The following PLBD1 variants were observed in gnomAD, a reference collection of about 807,000 sequenced individuals.
PLBD1 encodes the protein phospholipase B domain containing 1, also known as lysosomal leucine aminopeptidase.
A neutral mutation model predicts 63.0 loss-of-function variants in PLBD1; 60 were observed. The ratio of observed to expected loss-of-function variants is 0.95; its 90% CI spans 0.77 to 1.18. The LOEUF is 1.18. Ranked by LOEUF, PLBD1 falls within the 50% of genes most tolerant of loss-of-function variation. The pLI is 0.00. For missense variants in PLBD1, 598 were observed against 677.9 expected (o/e 0.88, Z 1.31); for synonymous variants, 262 against 248.0 (o/e 1.06, Z -0.53).
intron 1 of PLBD1, among the ~76,000 whole-genome samples, chr12:14,563,787 G>C (rs1003716572): frequency 6.6e-6 from 1 of 152,134 alleles, no homozygotes; most frequent in Non-Finnish European, 1.5e-5. Flanking sequence ...TTGGAGTCAG[G>C]CTTCAAACAC....
In PLBD1 at chr12:14,527,122, G is replaced by A. The variant is rs151210236; in HGVS notation, c.844+8537C>T. On this transcript the variant is annotated intron_variant, in intron 6 of 10. Transcript: ENST00000240617. ...ATGATTCTTGGTATGAACTACTACCGTATAAATTTTAAGATATACTTAGAA... is the reference window on the plus strand; with the variant it reads ...ATGATTCTTGGTATGAACTACTACCATATAAATTTTAAGATATACTTAGAA... Among the ~76,000 whole-genome samples the A allele has an allele frequency of 6.8e-3, 1,029 of 152,224 alleles. 8 individuals are homozygous for A. The highest frequency in any genetic ancestry group is 0.022 in the African/African-American group (903 of 41,542).
chr12:14,566,810 A>C (rs1459720314), intron 1 of PLBD1, among the ~76,000 whole-genome samples: 2 of 151,698 alleles, frequency 1.3e-5, no homozygotes, highest in East Asian at 1.9e-4. Context: ...AAAAAAAAAA[A>C]AACTGCCGGG....
intron 6 of PLBD1, 61 bp from the exon 7 acceptor site, chr12:14,511,772 A>T (rs982188092): frequency 6.8e-7 from 1 of 1,480,078 alleles, no homozygotes; most frequent in African/African-American, 1.4e-5. Flanking sequence ...AACCATCATT[A>T]TTGACAAAGA....
Position 14,567,752 on chromosome 12 carries a change from T to C in PLBD1, c.-56A>G. The C allele has an allele frequency of 7.2e-7, 1 of 1,382,018 alleles. No individual in the cohort carries two copies. Among genetic ancestry groups the C allele is most frequent in the Non-Finnish European group, 9.3e-7 (1 of 1,079,576 alleles). The allele number at this position is 1,382,018 out of a possible 1,614,324, so 85.6% of individuals were successfully genotyped here. A position where few individuals can be genotyped will look rare whatever the true frequency, so the allele number is the denominator to read the frequency against. ...ATCAGGCGGCCGCGGTGGCCCGCGG[T>C]GGCAGAAGTTGCAAGAGAGGCTCCT... On this transcript the variant is annotated 5_prime_UTR_variant, in exon 1 of 11. Transcript: ENST00000240617.
Position 14,503,885 on chromosome 12 carries a change from G to T in PLBD1, c.1549C>A (p.Leu517Ile). 1.2e-6 allele frequency: 2 copies of T among 1,613,946 alleles called. No individual in the cohort carries two copies. The highest frequency in any genetic ancestry group is 1.7e-6 in the Non-Finnish European group (2 of 1,179,876). Residue 517 changes from leucine to isoleucine, a missense_variant, in exon 11 of 11, where the codon CTC (leucine) becomes ATC (isoleucine). Leu to Ile is a conservative substitution (Grantham distance 5). Transcript: ENST00000240617. Reference sequence around the variant, plus strand: ...AAACGGTCCCAGCGAAAAACAGGGAGGCCACCTTGTACTGTGGGACCACTT... The same window carrying T: ...AAACGGTCCCAGCGAAAAACAGGGATGCCACCTTGTACTGTGGGACCACTT... ...AISGPTVQGG[L>I]PVFRWDRFNK...
At position 14,533,609 on chromosome 12, in the gene PLBD1, T is replaced by C. The variant is rs1439069197; in HGVS notation, c.844+2050A>G. Among the ~76,000 whole-genome samples the C allele has an allele frequency of 4.6e-5, 7 of 152,208 alleles. No individual in the cohort carries two copies. The East Asian group carries it at 1.2e-3, about 25-fold the overall frequency. ...GTGCACATAACATCTGAATATTGCA[T>C]TTTATCACAAAGATGAGGAAGAGGA... On this transcript the variant is annotated intron_variant, in intron 6 of 10. Transcript: ENST00000240617.
In PLBD1 at chr12:14,524,933, A is replaced by G. The variant is rs556397959; in HGVS notation, c.844+10726T>C. On this transcript the variant is annotated intron_variant, in intron 6 of 10. Coordinates refer to ENST00000240617, the MANE Select transcript of PLBD1 (RefSeq NM_024829.6). ...TGAAAAACTCACTGTATACTTCAAC[A>G]GTAAATTTGAGATGGCAGAAGAAGG... Among the ~76,000 whole-genome samples the G allele has an allele frequency of 5.3e-5, 8 of 152,272 alleles. No individual in the cohort carries two copies. The South Asian group carries it at 6.2e-4, about 12-fold the overall frequency.
Position 14,535,835 on chromosome 12 carries a change from T to C in PLBD1, c.700-32A>G, listed in dbSNP as rs754908564. 3.1e-6 allele frequency: 5 copies of C among 1,598,538 alleles called. No homozygotes were observed. In the Admixed American group the frequency reaches 8.8e-5, roughly 28 times the overall value. ...CCAGAATCATAGTGGATTACACAGATGTACATAGCTAACTGACTGCAATTG... is the reference window on the plus strand; with the variant it reads ...CCAGAATCATAGTGGATTACACAGACGTACATAGCTAACTGACTGCAATTG... On this transcript the variant is annotated intron_variant, in intron 5 of 10. Coordinates refer to ENST00000240617, the MANE Select transcript of PLBD1 (RefSeq NM_024829.6).
At chr12:14,560,379 A>T (rs1945736175) in intron 1 of PLBD1, among the ~76,000 whole-genome samples, 1 of 152,230 alleles carries the variant, frequency 6.6e-6, no homozygotes, top group African/African-American at 2.4e-5. Context: ...TCAGAGGGGA[A>T]AAAAAGAGAA....
intron 6 of PLBD1, among the ~76,000 whole-genome samples, chr12:14,513,684 C>T (rs1396612842): frequency 6.6e-6 from 1 of 152,044 alleles, no homozygotes; most frequent in Non-Finnish European, 1.5e-5. Context: ...GGACTAATGT[C>T]ATTCAGCTAT....
At chr12:14,509,711 G>A (rs1195761274) in intron 8 of PLBD1, among the ~76,000 whole-genome samples, 14 of 152,180 alleles carry the variant, frequency 9.2e-5, no homozygotes, top group Middle Eastern at 3.4e-3. Flanking sequence ...CTTTATCTCC[G>A]TTCTGTCCCT....
chr12:14,532,691 A>G (rs1479629829), intron 6 of PLBD1, among the ~76,000 whole-genome samples: 1 of 152,192 alleles, frequency 6.6e-6, no homozygotes, highest in Non-Finnish European at 1.5e-5. Flanking sequence ...GAGCCCCCAG[A>G]TAGGGAGTCC....
chr12:14,506,119 G>A (rs1388676438), intron 10 of PLBD1, 43 bp downstream of exon 10: 4 of 1,408,218 alleles, frequency 2.8e-6, no homozygotes, highest in Non-Finnish European at 4.0e-6. Flanking sequence ...GGAGAGGCCT[G>A]TGTGCTGGTG....
chr12:14,506,743 T>G (rs1945258735), intron 9 of PLBD1, among the ~76,000 whole-genome samples, 190 bp downstream of exon 9: 1 of 152,084 alleles, frequency 6.6e-6, no homozygotes, highest in African/African-American at 2.4e-5. Context: ...ATGTATAGAC[T>G]CTTCTCTTTC....
At chr12:14,528,876 T>C (rs1945438217) in intron 6 of PLBD1, among the ~76,000 whole-genome samples, 1 of 152,174 alleles carries the variant, frequency 6.6e-6, no homozygotes, top group Non-Finnish European at 1.5e-5. Flanking sequence ...AAAGAAGGGA[T>C]AAATTCCTTG....
At chr12:14,549,439 TG>T (rs1945639901) in intron 2 of PLBD1, among the ~76,000 whole-genome samples, 1 of 152,168 alleles carries the variant, frequency 6.6e-6, no homozygotes, top group African/African-American at 2.4e-5. Flanking sequence ...ACCACATATA[TG>T]GGAAGCCCCT....
chr12:14,513,045 T>C (rs1945310681), intron 6 of PLBD1, among the ~76,000 whole-genome samples: 1 of 152,214 alleles, frequency 6.6e-6, no homozygotes. Context: ...ATTTCTACCA[T>C]GATTTTTTAC....
At chr12:14,526,945 C>G (rs1348232096) in intron 6 of PLBD1, among the ~76,000 whole-genome samples, 1 of 152,100 alleles carries the variant, frequency 6.6e-6, no homozygotes, top group Non-Finnish European at 1.5e-5. Flanking sequence ...GCACTCCAGC[C>G]TTGGCAACAA....
intron 6 of PLBD1, among the ~76,000 whole-genome samples, chr12:14,534,256 T>G (rs1353897623): frequency 2.0e-5 from 3 of 152,162 alleles, no homozygotes; most frequent in Non-Finnish European, 2.9e-5. Context: ...GATGCGTAAT[T>G]AAAGGTCAAA....
Sources: allele counts gnomAD v4.1 joint callset (sites outside exome capture counted in the v4.1 genomes callset), GRCh38; gene constraint gnomAD v4.1.1; transcripts MANE v1.5; gene names NCBI Gene and HGNC (gene_info 2026-07-23, HGNC 2026-07-21).